PRSS3: variants seen among roughly 807,000 people sequenced by gnomAD.
PRSS3 encodes the protein serine protease 3, also known as trypsin-3.
PRSS3 carries 14 observed loss-of-function variants against 20.8 expected under a neutral mutation model. The ratio of observed to expected loss-of-function variants is 0.67; its 90% CI spans 0.44 to 1.05. The LOEUF (loss-of-function observed/expected upper bound fraction) is 1.05. Ranked by LOEUF, PRSS3 falls within the 50% of genes least tolerant of loss-of-function variation. The pLI is 0.00. For synonymous variants in PRSS3, 91 were observed against 117.6 expected (o/e 0.77, Z 1.46); for missense variants, 237 against 306.4 (o/e 0.77, Z 1.69).
chr9:33,763,638 G>T (rs1340306289), intron 1 of PRSS3, among the ~76,000 whole-genome samples: 1 of 149,406 alleles, frequency 6.7e-6, no homozygotes, highest in Non-Finnish European at 1.5e-5. Flanking sequence ...GGCGGAGCTT[G>T]CAGTGAGCAG....
At chr9:33,758,076 T>C (rs1212314950) in intron 1 of PRSS3, among the ~76,000 whole-genome samples, 3 of 152,194 alleles carry the variant, frequency 2.0e-5, no homozygotes, top group Non-Finnish European at 4.4e-5. Context: ...TCATGTTCCA[T>C]CCCTTGACTG....
intron 1 of PRSS3, among the ~76,000 whole-genome samples, chr9:33,771,906 T>C (rs1823728896): frequency 6.6e-6 from 1 of 150,646 alleles, no homozygotes; most frequent in Non-Finnish European, 1.5e-5. Context: ...AAATCTTGCT[T>C]TATCACCCAG....
At chr9:33,774,715 G>A (rs1175459838) in intron 1 of PRSS3, among the ~76,000 whole-genome samples, 2 of 152,192 alleles carry the variant, frequency 1.3e-5, no homozygotes, top group Non-Finnish European at 2.9e-5. Flanking sequence ...GCTGGGCACA[G>A]TGGCTCACGC....
At chr9:33,755,152 G>A (rs1237318680) in intron 1 of PRSS3, among the ~76,000 whole-genome samples, 3 of 152,090 alleles carry the variant, frequency 2.0e-5, no homozygotes, top group Admixed American at 1.3e-4. Flanking sequence ...AGGTGGTTGC[G>A]GGAATACATT....
intron 1 of PRSS3, among the ~76,000 whole-genome samples, chr9:33,770,630 T>C (rs773205011): frequency 6.6e-6 from 1 of 152,160 alleles, no homozygotes; most frequent in Admixed American, 6.5e-5. Context: ...AATGAGATCA[T>C]TAGGGTGGGG....
At chr9:33,794,242 T>C (rs1824788199), upstream of PRSS3, among the ~76,000 whole-genome samples, 1 of 152,246 alleles carries the variant, frequency 6.6e-6, no homozygotes, top group Non-Finnish European at 1.5e-5. Context: ...CTGCTTCTTT[T>C]ACTTTTCAAA....
chr9:33,793,621 C>T, upstream of PRSS3: 2 of 891,888 alleles, frequency 2.2e-6, no homozygotes, highest in South Asian at 5.2e-5. Context: ...AGTTTGTCCT[C>T]TGGGGACCTC....
At chr9:33,753,724 GGTCA>G (rs1391616823) in intron 1 of PRSS3, among the ~76,000 whole-genome samples, 1 of 152,150 alleles carries the variant, frequency 6.6e-6, no homozygotes, top group Non-Finnish European at 1.5e-5. Flanking sequence ...CATAAAATGT[GGTCA>G]GTATGTCAGA....
intron 1 of PRSS3, among the ~76,000 whole-genome samples, chr9:33,771,967 G>C (rs1334015770): frequency 2.7e-5 from 4 of 150,698 alleles, no homozygotes; most frequent in Non-Finnish European, 5.9e-5. Flanking sequence ...TGCCTCCTGG[G>C]TTCAAGCTAT....
intron 4 of PRSS3, 109 bp from the exon 5 acceptor site, chr9:33,798,919 G>A (rs1306099848): frequency 1.8e-5 from 26 of 1,408,498 alleles, no homozygotes; most frequent in Middle Eastern, 2.4e-4. Flanking sequence ...TGGGAAGGAC[G>A]TGGAGCCACA....
chr9:33,757,137 G>A (rs375489913), intron 1 of PRSS3, among the ~76,000 whole-genome samples: 22 of 152,242 alleles, frequency 1.4e-4, no homozygotes, highest in African/African-American at 5.3e-4. Flanking sequence ...AACAGCAGAG[G>A]TTCTTGTTGT....
chr9:33,786,134 G>A (rs1179494718), intron 1 of PRSS3: 6 of 368,594 alleles, frequency 1.6e-5, no homozygotes, highest in African/African-American at 6.4e-5. Flanking sequence ...GAAACAGAGC[G>A]GGAAAGAACT....
At chr9:33,796,468 C>T (rs1298385812) in intron 1 of PRSS3, among the ~76,000 whole-genome samples, 175 bp from the exon 2 acceptor site, 1 of 152,254 alleles carries the variant, frequency 6.6e-6, no homozygotes, top group Non-Finnish European at 1.5e-5. Context: ...CCTGCAGACA[C>T]AGAGACTTGG....
intron 1 of PRSS3, among the ~76,000 whole-genome samples, chr9:33,764,733 A>G (rs1024936697): frequency 2.6e-5 from 4 of 152,356 alleles, no homozygotes; most frequent in Admixed American, 2.0e-4. Flanking sequence ...GACAGCATCA[A>G]GAAAAGACAA....
intron 1 of PRSS3, among the ~76,000 whole-genome samples, chr9:33,779,632 G>A (rs529426103): frequency 6.6e-6 from 1 of 152,246 alleles, no homozygotes; most frequent in Non-Finnish European, 1.5e-5. Flanking sequence ...AGTCTGGGAG[G>A]CCGAGGCCGG....
Position 33,799,064 on chromosome 9 carries a change from C to T in PRSS3, c.628C>T (p.Leu210Phe). ...SGGPVVCNGQ[L>F]QGVVSWGHGC... is the part of the protein sequence containing the mutation. ...TGGCCCTGTGGTCTGCAACGGACAG[C>T]TCCAAGGAGTTGTCTCCTGGGGCCA... is the stretch of plus-strand genomic sequence containing the variant. Residue 210 changes from leucine to phenylalanine, a missense_variant, in exon 5 of 5, where the codon CTC becomes TTC. By Grantham distance (22) the Leu-to-Phe change is conservative. Transcript: ENST00000379405. 2.5e-6 allele frequency: 4 copies of T among 1,614,232 alleles called. No individual in the cohort carries two copies. Among genetic ancestry groups the T allele is most frequent in the Non-Finnish European group, 2.5e-6 (3 of 1,180,028 alleles).
At chr9:33,768,580 G>A (rs1182684044) in intron 1 of PRSS3, among the ~76,000 whole-genome samples, 1 of 151,878 alleles carries the variant, frequency 6.6e-6, no homozygotes, top group African/African-American at 2.4e-5. Context: ...CTATCAGCTG[G>A]GCACCGTGGC....
intron 1 of PRSS3, among the ~76,000 whole-genome samples, chr9:33,763,146 T>A (rs1033711884): frequency 2.6e-5 from 4 of 152,216 alleles, no homozygotes; most frequent in Admixed American, 6.5e-5. Flanking sequence ...AGGAATTCGG[T>A]TTCCTTTAGG....
intron 1 of PRSS3, among the ~76,000 whole-genome samples, chr9:33,765,683 A>G (rs536215437): frequency 7.9e-4 from 121 of 152,314 alleles, no homozygotes; most frequent in Non-Finnish European, 1.6e-3. Context: ...AAATTTCCTT[A>G]TGCTACTCAG....
Sources: gnomAD v4.1 joint callset for allele counts (sites outside exome capture counted in the v4.1 genomes callset) on GRCh38, gnomAD v4.1.1 for gene constraint, MANE v1.5 for transcripts, NCBI Gene and HGNC (gene_info 2026-07-23, HGNC 2026-07-21) for gene names.